Variants in H2AZ2 observed in about 807,000 individuals in gnomAD.
H2AZ2 encodes H2A.Z variant histone 2, also known as histone H2A.V.
H2AZ2 carries 5 observed loss-of-function variants against 15.5 expected under a neutral mutation model. The observed-to-expected ratio is 0.32, with a 90% confidence interval of 0.17 to 0.68. H2AZ2 has a LOEUF of 0.68. H2AZ2 is among the 30% of genes least tolerant of loss of function. The pLI is 0.72. For synonymous variants in H2AZ2, 44 were observed against 57.4 expected (o/e 0.77, Z 1.05); for missense variants, 42 against 162.5 (o/e 0.26, Z 4.03).
chr7:44,846,981 GTGTTA>G (rs1793427752), intron 1 of H2AZ2, among the ~76,000 whole-genome samples: 1 of 152,108 alleles, frequency 6.6e-6, no homozygotes, highest in Non-Finnish European at 1.5e-5. Context: ...TTACAGTTAG[GTGTTA>G]TGTCTATTCA....
At chr7:44,846,718 T>C (rs1360680716) in intron 1 of H2AZ2, among the ~76,000 whole-genome samples, 1 of 151,816 alleles carries the variant, frequency 6.6e-6, no homozygotes, top group African/African-American at 2.4e-5. Context: ...CAAATCCTTT[T>C]ACAGATTAGA....
chr7:44,845,936 T>C (rs1793387376), intron 1 of H2AZ2, among the ~76,000 whole-genome samples: 1 of 151,994 alleles, frequency 6.6e-6, no homozygotes, highest in African/African-American at 2.4e-5. Flanking sequence ...TTTAATATAA[T>C]TGGTGCTTGA....
intron 1 of H2AZ2, among the ~76,000 whole-genome samples, chr7:44,847,167 T>C (rs1793431658): frequency 6.6e-6 from 1 of 152,230 alleles, no homozygotes; most frequent in Non-Finnish European, 1.5e-5. Flanking sequence ...AACAGTCTTA[T>C]TATTTTTACA....
At position 44,844,911 on chromosome 7, in the gene H2AZ2, C is replaced by T. The variant is rs141010567; in HGVS notation, c.4-1557G>A. ...AATAAATTAGAAATGTTATTTGCCT[C>T]TCGGGAGGAAATACTAAAGGTCTGA... On this transcript the variant is annotated intron_variant, in intron 1 of 4. Coordinates refer to ENST00000308153, the MANE Select transcript of H2AZ2 (RefSeq NM_012412.5). 3.9e-5 allele frequency among the ~76,000 whole-genome samples: 6 copies of T among 152,130 alleles called. No individual in the cohort carries two copies. The East Asian group carries it at 1.2e-3, about 29-fold the overall frequency.
chr7:44,846,920 T>C (rs1441199152), intron 1 of H2AZ2, among the ~76,000 whole-genome samples: 2 of 152,184 alleles, frequency 1.3e-5, no homozygotes, highest in African/African-American at 4.8e-5. Context: ...AGCTCTAAGA[T>C]TTGGGTATTT....
Position 44,843,279 on chromosome 7 carries a change from G to A in H2AZ2, c.79C>T (p.Gln27Ter). The part of the protein sequence containing the change: ...AVSRSQRAGL[Q>*]FPVGRIHRHL... ...TAATGACAGCATGGATTCATTACCT[G>A]TAGCCCAGCTCTCTGTGAGCGAGAT... is the stretch of plus-strand genomic sequence containing the variant. Residue 27 changes from glutamine (Q) to a stop codon, truncating the protein, a stop_gained and splice_region_variant, in exon 2 of 5, where the codon CAG becomes TAG. Transcript: ENST00000308153. LOFTEE classifies it high-confidence loss of function. 1 of 1,594,524 alleles carries A rather than the reference G, an allele frequency of 6.3e-7. No individual in the cohort carries two copies. The highest frequency in any genetic ancestry group is 8.5e-7 in the Non-Finnish European group (1 of 1,169,724).
At chr7:44,846,159 G>T (rs1338882386) in intron 1 of H2AZ2, among the ~76,000 whole-genome samples, 1 of 151,948 alleles carries the variant, frequency 6.6e-6, no homozygotes, top group East Asian at 1.9e-4. Context: ...TTTCATGTCA[G>T]TTTTAACAGA....
At chr7:44,830,555 A>G (rs1276423001), downstream of H2AZ2, among the ~76,000 whole-genome samples, 1 of 152,120 alleles carries the variant, frequency 6.6e-6, no homozygotes, top group Non-Finnish European at 1.5e-5. Context: ...AGGTTCTAAC[A>G]CCTTCTATTT....
chr7:44,837,144 T>C lies in H2AZ2; in HGVS notation c.196-1486A>G, dbSNP rs187375288. ...AAATCAAACTCCTGACCTTGTGATC[T>C]GCCCGCCTTGGCCTCCCAAAGTGTT... On this transcript the variant is annotated intron_variant, in intron 3 of 4. Coordinates refer to ENST00000308153, the MANE Select transcript of H2AZ2 (RefSeq NM_012412.5). 2.5e-3 allele frequency among the ~76,000 whole-genome samples: 384 copies of C among 152,162 alleles called. 8 individuals are homozygous for C. The South Asian group carries it at 0.043, about 17-fold the overall frequency.
At chr7:44,846,062 CAGAG>C (rs1554336348) in intron 1 of H2AZ2, among the ~76,000 whole-genome samples, 5 of 75,154 alleles carry the variant, frequency 6.7e-5, no homozygotes, top group South Asian at 7.4e-4. Context: ...CACACACACA[CAGAG>C]AGAGACAGAG....
intron 1 of H2AZ2, among the ~76,000 whole-genome samples, chr7:44,844,291 G>A (rs1472797666): frequency 6.6e-6 from 1 of 152,158 alleles, no homozygotes; most frequent in East Asian, 1.9e-4. Flanking sequence ...TCTGACACAA[G>A]CTACAACATG....
At chr7:44,834,941 C>A (rs1315072822) in intron 4 of H2AZ2, 2 of 167,094 alleles carry the variant, frequency 1.2e-5, no homozygotes, top group Non-Finnish European at 2.6e-5. Flanking sequence ...CACCACCACG[C>A]CCAGCTAATT....
chr7:44,833,527 G>A lies in H2AZ2; in HGVS notation c.*974C>T, dbSNP rs929126920. 4.7e-5 allele frequency: 10 copies of A among 213,890 alleles called. No individual in the cohort carries two copies. The highest frequency in any genetic ancestry group is 3.7e-4 in the East Asian group (2 of 5,408). 13.2% of individuals were successfully genotyped at this position (213,890 alleles called of 1,614,324 possible). A position where few individuals can be genotyped will look rare whatever the true frequency, so the allele number is the denominator to read the frequency against. On this transcript the variant is annotated 3_prime_UTR_variant, in exon 5 of 5. Coordinates refer to ENST00000308153, the MANE Select transcript of H2AZ2 (RefSeq NM_012412.5). ...TGGGATTACAGGCGTGAGCCACCGCGCCTGGCCGAGACGGCGTTTTACCAT... is the reference window on the plus strand; with the variant it reads ...TGGGATTACAGGCGTGAGCCACCGCACCTGGCCGAGACGGCGTTTTACCAT...
At chr7:44,841,664 C>G (rs898974316) in intron 2 of H2AZ2, among the ~76,000 whole-genome samples, 1 of 152,132 alleles carries the variant, frequency 6.6e-6, no homozygotes, top group Non-Finnish European at 1.5e-5. Flanking sequence ...CGCGCCAGGA[C>G]GCCTGGCTGT....
At chr7:44,843,175 AG>A in intron 2 of H2AZ2, 101 bp downstream of exon 2, 1 of 281,208 alleles carries the variant, frequency 3.6e-6, no homozygotes, top group South Asian at 7.6e-5. Flanking sequence ...AAAAAAAAAA[AG>A]TCTGTAGTAA....
In H2AZ2 at chr7:44,848,031, C is replaced by T; in HGVS notation, c.-60G>A. On this transcript the variant is annotated 5_prime_UTR_variant, in exon 1 of 5. Transcript: ENST00000308153. The stretch of plus-strand genomic sequence containing the variant: ...GCGCCCTCCCGCTGCCGACCCGCGC[C>T]GCCGCCGCCGCTCTCGCAGCACCGA... 8.9e-7 allele frequency: 1 copy of T among 1,121,834 alleles called. No individual in the cohort carries two copies. Among genetic ancestry groups the T allele is most frequent in the Non-Finnish European group, 1.1e-6 (1 of 878,980 alleles). 69.5% of individuals were successfully genotyped at this position (1,121,834 alleles called of 1,614,324 possible).
chr7:44,828,687 G>T (rs1204385939), downstream of H2AZ2: 1 of 152,184 alleles, frequency 6.6e-6, no homozygotes, highest in Non-Finnish European at 1.5e-5. Context: ...ACCCTCAGGG[G>T]CCTAAAGCCA....
At chr7:44,835,780 T>C (rs1793104932) in intron 3 of H2AZ2, 122 bp from the exon 4 acceptor site, 1 of 809,726 alleles carries the variant, frequency 1.2e-6, no homozygotes, top group Non-Finnish European at 1.8e-6. Context: ...TATTTTTCTT[T>C]CTTGTATTTC....
chr7:44,829,263 G>C (rs989295683), downstream of H2AZ2: 4 of 152,160 alleles, frequency 2.6e-5, no homozygotes, highest in African/African-American at 9.7e-5. Context: ...GCTGGACTGG[G>C]TCTCACTCAA....
Sources: gnomAD v4.1 joint callset for allele counts (sites outside exome capture counted in the v4.1 genomes callset) on GRCh38, gnomAD v4.1.1 for gene constraint, MANE v1.5 for transcripts, NCBI Gene and HGNC (gene_info 2026-07-23, HGNC 2026-07-21) for gene names.